Variants in MAST4 observed in about 807,000 individuals in gnomAD.
The protein encoded by MAST4 is microtubule-associated serine/threonine-protein kinase 4.
A neutral mutation model predicts 162.7 loss-of-function variants in MAST4; 89 were observed. That is an observed-to-expected ratio of 0.55 (90% CI 0.46 to 0.65). The LOEUF is 0.65. MAST4 is among the 30% of genes least tolerant of loss of function. The pLI, the probability that MAST4 is intolerant of heterozygous loss-of-function variation, is 0.00. For synonymous variants in MAST4, 1,479 were observed against 1,361.1 expected, an observed-to-expected ratio of 1.09 and a Z score of -1.91; for missense variants, 3,153 against 3,374.0, an observed-to-expected ratio of 0.93 and a Z score of 1.62.
chr5:67,039,278 G>C (rs13353823), intron 4 of MAST4, among the ~76,000 whole-genome samples: 5,044 of 152,218 alleles, frequency 0.033, 308 homozygotes, highest in African/African-American at 0.12. Context: ...AATTTCATGT[G>C]GGTGAATTAT....
At chr5:67,115,798 T>G (rs1373696594) in intron 12 of MAST4, among the ~76,000 whole-genome samples, 1 of 152,236 alleles carries the variant, frequency 6.6e-6, no homozygotes, top group Non-Finnish European at 1.5e-5. Flanking sequence ...TACTACCCAC[T>G]GCTTACAAAT....
intron 3 of MAST4, among the ~76,000 whole-genome samples, chr5:66,891,032 T>C (rs559300919): frequency 6.6e-6 from 1 of 152,368 alleles, no homozygotes; most frequent in Admixed American, 6.5e-5. Flanking sequence ...TCATGAATGA[T>C]GTTTAACTTT....
intron 4 of MAST4, among the ~76,000 whole-genome samples, chr5:66,994,157 A>T (rs1194001477): frequency 6.6e-6 from 1 of 152,118 alleles, no homozygotes; most frequent in African/African-American, 2.4e-5. Context: ...TACCGCATTA[A>T]TCTACACAAG....
rs77788467 is a variant in MAST4 at position 66,874,245 on chromosome 5, C to T, written c.643-25706C>T. Among the ~76,000 whole-genome samples the T allele has an allele frequency of 8.0e-3, 1,216 of 152,056 alleles. 17 individuals carry two copies. The highest frequency in any genetic ancestry group is 0.027 in the African/African-American group (1,107 of 41,482). On this transcript the variant is annotated intron_variant, in intron 3 of 28. Coordinates refer to ENST00000403625, the MANE Select transcript of MAST4 (RefSeq NM_001164664.2). ...CAAATGAACAAAGAATGAAGCAAAA[C>T]GGGCAATAGGAATAGTAGTTCAAAG...
chr5:66,748,664 A>G (rs1411824605), intron 1 of MAST4, among the ~76,000 whole-genome samples: 1 of 151,146 alleles, frequency 6.6e-6, no homozygotes, highest in African/African-American at 2.4e-5. Context: ...TAATTTTTGT[A>G]TTTTTAGTAG....
At chr5:67,125,953 C>T (rs370620737) in intron 14 of MAST4, among the ~76,000 whole-genome samples, 5 of 152,218 alleles carry the variant, frequency 3.3e-5, no homozygotes, top group Admixed American at 6.5e-5. Flanking sequence ...TTCTAACTGG[C>T]GAGAGATGGT....
At chr5:66,630,161 T>C (rs1744706026) in intron 1 of MAST4, among the ~76,000 whole-genome samples, 1 of 152,204 alleles carries the variant, frequency 6.6e-6, no homozygotes, top group African/African-American at 2.4e-5. Flanking sequence ...GCCTAGGTAT[T>C]GCTAAAGTTT....
chr5:67,026,502 G>A (rs1754666284), intron 4 of MAST4, among the ~76,000 whole-genome samples: 1 of 152,192 alleles, frequency 6.6e-6, no homozygotes, highest in African/African-American at 2.4e-5. Context: ...TGTAATTCAT[G>A]CAACCATCAG....
chr5:66,897,092 A>G (rs1762728802), intron 3 of MAST4, among the ~76,000 whole-genome samples: 1 of 152,170 alleles, frequency 6.6e-6, no homozygotes, highest in South Asian at 2.1e-4. Flanking sequence ...TTTTAATCTT[A>G]AGAATTTCTT....
chr5:66,803,946 T>C (rs1756049264), intron 3 of MAST4, among the ~76,000 whole-genome samples: 1 of 152,106 alleles, frequency 6.6e-6, no homozygotes, highest in South Asian at 2.1e-4. Context: ...GGGCTTTTTT[T>C]TTTTAAAAAG....
intron 4 of MAST4, among the ~76,000 whole-genome samples, chr5:66,909,192 G>A (rs74643721): frequency 0.02 from 3,111 of 152,120 alleles, 114 homozygotes; most frequent in African/African-American, 0.072. Context: ...TTGACCCCAC[G>A]TCCTTGGATA....
intron 4 of MAST4, among the ~76,000 whole-genome samples, chr5:67,027,209 G>A (rs2150413469): frequency 6.6e-6 from 1 of 152,258 alleles, no homozygotes; most frequent in Admixed American, 6.5e-5. Flanking sequence ...TTTGAGTGCT[G>A]TTTGTATTTA....
At chr5:66,932,936 G>C (rs1405393842) in intron 4 of MAST4, among the ~76,000 whole-genome samples, 1 of 151,926 alleles carries the variant, frequency 6.6e-6, no homozygotes, top group Non-Finnish European at 1.5e-5. Flanking sequence ...ATTATTTAGT[G>C]GTTCTTTGGC....
At chr5:67,137,800 A>G (rs986090916) in intron 19 of MAST4, among the ~76,000 whole-genome samples, 10 of 152,226 alleles carry the variant, frequency 6.6e-5, no homozygotes, top group Admixed American at 2.6e-4. Context: ...TAGGTATTGT[A>G]TGGCTGCTTT....
intron 1 of MAST4, among the ~76,000 whole-genome samples, chr5:66,609,579 G>T (rs918776484): frequency 2.0e-5 from 3 of 150,690 alleles, no homozygotes; most frequent in African/African-American, 7.3e-5. Flanking sequence ...TAAATACTGG[G>T]TTTTGCCATG....
chr5:66,636,927 A>G, intron 1 of MAST4, among the ~76,000 whole-genome samples: 1 of 152,216 alleles, frequency 6.6e-6, no homozygotes, highest in East Asian at 1.9e-4. Flanking sequence ...ATACTTTATT[A>G]AAGTAATGTG....
chr5:66,746,911 A>G (rs1196862566), intron 1 of MAST4, among the ~76,000 whole-genome samples: 1 of 152,234 alleles, frequency 6.6e-6, no homozygotes, highest in African/African-American at 2.4e-5. Flanking sequence ...AAAACTATGC[A>G]CAAAGTGTGC....
chr5:67,114,337 C>T (rs1766626051), intron 12 of MAST4, 118 bp downstream of exon 12: 1 of 1,253,802 alleles, frequency 8.0e-7, no homozygotes, highest in Admixed American at 3.0e-5. Flanking sequence ...ATTGATAAGT[C>T]CATATTTGGG....
At chr5:67,150,269 A>T (rs1470405186) in intron 24 of MAST4, among the ~76,000 whole-genome samples, 1 of 152,216 alleles carries the variant, frequency 6.6e-6, no homozygotes, top group Non-Finnish European at 1.5e-5. Flanking sequence ...TGAAATATAC[A>T]CCCTGATGGT....
Sources: allele counts gnomAD v4.1 joint callset (sites outside exome capture counted in the v4.1 genomes callset), GRCh38; gene constraint gnomAD v4.1.1; transcripts MANE v1.5; gene names NCBI Gene and HGNC (gene_info 2026-07-23, HGNC 2026-07-21).